Variants in ZNF677 observed in about 807,000 individuals in gnomAD.
ZNF677 encodes the protein zinc finger protein 677, also known as hypothetical protein MGC48625.
ZNF677 carries 5 observed loss-of-function variants against 8.1 expected under a neutral mutation model. The ratio of observed to expected loss-of-function variants is 0.62; its 90% CI spans 0.32 to 1.29. ZNF677 has a LOEUF of 1.29. Ranked by LOEUF, ZNF677 falls within the 50% of genes most tolerant of loss-of-function variation. The pLI is 0.05. For missense variants in ZNF677, 685 were observed against 685.9 expected (o/e 1.00, Z 0.01); for synonymous variants, 221 against 225.6 (o/e 0.98, Z 0.18).
At chr19:53,245,989 G>C (rs2091130944) in intron 3 of ZNF677, among the ~76,000 whole-genome samples, 1 of 151,432 alleles carries the variant, frequency 6.6e-6, no homozygotes, top group Admixed American at 6.6e-5. Flanking sequence ...TCCAGCCTGG[G>C]CAACAGAGGA....
At chr19:53,248,019 T>C (rs2091174163) in intron 3 of ZNF677, among the ~76,000 whole-genome samples, 1 of 152,236 alleles carries the variant, frequency 6.6e-6, no homozygotes. Flanking sequence ...TACTTGTTTT[T>C]CACATGCCTA....
At chr19:53,239,766 G>A (rs2146934459) in intron 4 of ZNF677, 1 of 152,274 alleles carries the variant, frequency 6.6e-6, no homozygotes, top group Middle Eastern at 3.4e-3. Context: ...AGCACTAATT[G>A]ATGTAAATCC....
chr19:53,253,503 C>G (rs111726452), intron 1 of ZNF677, among the ~76,000 whole-genome samples: 2,772 of 152,256 alleles, frequency 0.018, 99 homozygotes, highest in African/African-American at 0.063. Flanking sequence ...GCCTGGCTAA[C>G]AAGGTGAAAA....
rs2146947531 is a variant in ZNF677, at chr19:53,244,054, T to C, written c.16-157A>G. On this transcript the variant is annotated intron_variant, in intron 3 of 4. Coordinates refer to ENST00000598513, the MANE Select transcript of ZNF677 (RefSeq NM_182609.4). ...TATTTTTTTTAAACTGAGATGAAATTACATAACATAAAATTAGCTATTTGA... is the reference window on the plus strand; with the variant it reads ...TATTTTTTTTAAACTGAGATGAAATCACATAACATAAAATTAGCTATTTGA... 5 of 674,124 alleles carry C rather than the reference T, an allele frequency of 7.4e-6. No individual in the cohort carries two copies. The South Asian group carries it at 8.6e-5, about 12-fold the overall frequency. The allele number at this position is 674,124 out of a possible 1,614,324, so 41.8% of individuals were successfully genotyped here.
At chr19:53,241,934 CTTTTTT>C (rs57694600) in intron 4 of ZNF677, 1 of 325,066 alleles carries the variant, frequency 3.1e-6, no homozygotes, top group African/African-American at 2.5e-5. Flanking sequence ...TTTTCTTTTT[CTTTTTT>C]TTTTTTTCGA....
rs2090972609 is a variant in ZNF677, at chr19:53,236,354, A to AT, written c.*617_*618insA. ...CATGCCATGAAGATTTAACAGCAAC[A>AT]GATTTCATACTTTTAAAAATATGAA... On this transcript the variant is annotated 3_prime_UTR_variant, in exon 5 of 5. Transcript: ENST00000598513. 1 of 152,250 alleles carries AT rather than the reference A, an allele frequency of 6.6e-6. No homozygotes were observed. The highest frequency in any genetic ancestry group is 2.4e-5 in the African/African-American group (1 of 41,470). 9.4% of individuals were successfully genotyped at this position (152,250 alleles called of 1,614,324 possible). A position where few individuals can be genotyped will look rare whatever the true frequency, so the allele number is the denominator to read the frequency against.
At chr19:53,254,012 G>A (rs2091275974) in intron 1 of ZNF677, among the ~76,000 whole-genome samples, 2 of 152,174 alleles carry the variant, frequency 1.3e-5, no homozygotes, top group African/African-American at 4.8e-5. Flanking sequence ...TAACCCTCTG[G>A]CTGAATAAGG....
chr19:53,238,083 T>A lies in ZNF677; in HGVS notation c.644A>T (p.Asn215Ile). ...ACTATTGATAGACTTCTCAACTGGA[T>A]TACATTCATACATTTTCTCCCCAGT... ...FQTGEKMYECNPVEKSINSSS... is the reference protein window; with the variant it reads ...FQTGEKMYECIPVEKSINSSS... Residue 215 changes from asparagine (N) to isoleucine (I), a missense_variant, in exon 5 of 5, where the codon AAT (asparagine) becomes ATT (isoleucine). Asn to Ile is a moderately radical substitution (Grantham distance 149, BLOSUM62 -3). Transcript: ENST00000598513. The A allele has an allele frequency of 6.2e-7, 1 of 1,614,082 alleles. No homozygotes were observed. The highest frequency in any genetic ancestry group is 8.5e-7 in the Non-Finnish European group (1 of 1,179,964).
At chr19:53,247,355 A>C (rs1279475190) in intron 3 of ZNF677, among the ~76,000 whole-genome samples, 1 of 151,910 alleles carries the variant, frequency 6.6e-6, no homozygotes, top group African/African-American at 2.4e-5. Context: ...CCACACATAA[A>C]ATACACTAAC....
Position 53,236,319 on chromosome 19 carries a change from A to T in ZNF677, c.*653T>A, listed in dbSNP as rs956087789. ...ATCCATTCCTTGAGACAATCATGAT[A>T]AATGAAAAGCATGCCATGAAGATTT... is the stretch of plus-strand genomic sequence containing the variant. On this transcript the variant is annotated 3_prime_UTR_variant, in exon 5 of 5. Transcript: ENST00000598513. The T allele has an allele frequency of 1.3e-5, 2 of 152,248 alleles. No homozygotes were observed. Among genetic ancestry groups the T allele is most frequent in the African/African-American group, 4.8e-5 (2 of 41,464 alleles). 9.4% of individuals were successfully genotyped at this position (152,248 alleles called of 1,614,324 possible).
intron 3 of ZNF677, among the ~76,000 whole-genome samples, chr19:53,247,816 T>C (rs113535039): frequency 3.9e-5 from 6 of 152,358 alleles, no homozygotes; most frequent in African/African-American, 1.4e-4. Flanking sequence ...TTGCATGAAA[T>C]ACCTTTTTAC....
At position 53,246,711 on chromosome 19, in the gene ZNF677, G is replaced by A. The variant is rs115254421; in HGVS notation, c.16-2814C>T. On this transcript the variant is annotated intron_variant, in intron 3 of 4. Transcript: ENST00000598513. Reference sequence around the variant, plus strand: ...ACTCATAGAAACAGAGAATAGAATGGTGGTTGCTAGGTGCTGAGTGGGGAA... The same window carrying A: ...ACTCATAGAAACAGAGAATAGAATGATGGTTGCTAGGTGCTGAGTGGGGAA... Among the ~76,000 whole-genome samples, 292 of 152,264 alleles carry A rather than the reference G, an allele frequency of 1.9e-3. 1 individual carries two copies. The highest frequency in any genetic ancestry group is 6.7e-3 in the African/African-American group (280 of 41,546).
At chr19:53,238,765 A>G in intron 4 of ZNF677, 1 of 432,094 alleles carries the variant, frequency 2.3e-6, no homozygotes, top group Non-Finnish European at 4.0e-6. Flanking sequence ...AAATTATTTT[A>G]AGCACAGTTT....
chr19:53,252,068 T>A (rs2091243724), intron 2 of ZNF677, among the ~76,000 whole-genome samples: 1 of 152,138 alleles, frequency 6.6e-6, no homozygotes, highest in Non-Finnish European at 1.5e-5. Context: ...CGCCAGGAGA[T>A]GACATAATAA....
In ZNF677 at chr19:53,251,538, GAGAA is replaced by G. The variant is rs775761973; in HGVS notation, c.9_12del (p.Ser4ArgfsTer11). ...TGAACCAAGAATATAACTTTTACCT[GAGAA>G]AGAGCCATTCCCTCCTCTTCTTTCT... On this transcript the variant is annotated frameshift_variant, in exon 3 of 5. Coordinates refer to ENST00000598513, the MANE Select transcript of ZNF677 (RefSeq NM_182609.4). LOFTEE classifies it high-confidence loss of function. 20 of 1,613,426 alleles carry G rather than the reference GAGAA, an allele frequency of 1.2e-5. 1 individual carries two copies. The highest frequency in any genetic ancestry group is 1.5e-5 in the Non-Finnish European group (18 of 1,179,508).
At position 53,243,862 on chromosome 19, in the gene ZNF677, G is replaced by C. The variant is rs745409148; in HGVS notation, c.51C>G (p.Phe17Leu). 6.2e-7 allele frequency: 1 copy of C among 1,610,250 alleles called. No homozygotes were observed. ...CCAGGCACTCCCACTCCTCTTGAGA[G>C]AATTCTATGGCCACATCCTTGAATG... ...LFTFKDVAIEFSQEEWECLDP... is the reference protein window; with the variant it reads ...LFTFKDVAIELSQEEWECLDP... The change falls in exon 4 of 5, where the codon TTC becomes TTG. Residue 17 changes from phenylalanine (F) to leucine (L), a missense_variant. By Grantham distance (22) the Phe-to-Leu change is conservative. Coordinates refer to ENST00000598513, the MANE Select transcript of ZNF677 (RefSeq NM_182609.4).
intron 3 of ZNF677, among the ~76,000 whole-genome samples, chr19:53,246,014 GA>G (rs1160152289): frequency 7.1e-6 from 1 of 141,508 alleles, no homozygotes; most frequent in Non-Finnish European, 1.5e-5. Flanking sequence ...TCCATCTCAG[GA>G]AAAAATAAAA....
intron 2 of ZNF677, among the ~76,000 whole-genome samples, chr19:53,252,850 G>A (rs1346040590): frequency 6.6e-6 from 1 of 152,152 alleles, no homozygotes; most frequent in Non-Finnish European, 1.5e-5. Flanking sequence ...CACCAGTAGT[G>A]ATGGGGTGCT....
In ZNF677 at chr19:53,243,803, A is replaced by G; in HGVS notation, c.110T>C (p.Met37Thr). ...AAGCAGGTTCCTGTAGTTCTCCAAC[A>G]TCACGTCCCTGTACAAGGCCCTCTG... ...PAQRALYRDV[M>T]LENYRNLLSL... The change falls in exon 4 of 5, where the codon ATG (methionine) becomes ACG (threonine). Residue 37 changes from methionine to threonine, a missense_variant. Transcript: ENST00000598513. 1.2e-6 allele frequency: 2 copies of G among 1,614,184 alleles called. No homozygotes were observed. The highest frequency in any genetic ancestry group is 1.7e-6 in the Non-Finnish European group (2 of 1,180,022).
Sources: allele counts gnomAD v4.1 joint callset (sites outside exome capture counted in the v4.1 genomes callset), GRCh38; gene constraint gnomAD v4.1.1; transcripts MANE v1.5; gene names NCBI Gene and HGNC (gene_info 2026-07-23, HGNC 2026-07-21).